The following ASPM variants were observed in gnomAD, a reference collection of about 807,000 sequenced individuals.
ASPM encodes assembly factor for spindle microtubules, also known as abnormal spindle-like microcephaly-associated protein.
Under a neutral mutation model 366.4 loss-of-function variants are expected in ASPM, and 256 were observed. The ratio of observed to expected loss-of-function variants is 0.70; its 90% CI spans 0.63 to 0.77. The LOEUF (loss-of-function observed/expected upper bound fraction) is 0.77, where lower values mean the gene tolerates loss of function less well. Ranked by LOEUF, ASPM falls within the 30% of genes least tolerant of loss-of-function variation. The probability of loss-of-function intolerance (pLI) is 0.00; values close to 1 mark genes in which losing one functional copy is unlikely to be tolerated. For missense variants in ASPM, 4,146 were observed against 4,090.4 expected, an observed-to-expected ratio of 1.01 and a Z score of -0.37; for synonymous variants, 1,414 against 1,342.9, an observed-to-expected ratio of 1.05 and a Z score of -1.16.
Position 197,102,730 on chromosome 1 carries a change from TGAA to T in ASPM, c.6518_6520del (p.Leu2173del), listed in dbSNP as rs774913362. 1 of 1,612,690 alleles carries T rather than the reference TGAA, an allele frequency of 6.2e-7. No homozygotes were observed. Among genetic ancestry groups the T allele is most frequent in the Non-Finnish European group, 8.5e-7 (1 of 1,179,230 alleles). On this transcript the variant is annotated inframe_deletion, in exon 18 of 28. Transcript: ENST00000367409. ...AACTCTTACTCCTCTAAAACTTGCCTGAAGGACTTTAACAGCTTTCAAAATTGT... is the reference window on the plus strand; with the variant it reads ...AACTCTTACTCCTCTAAAACTTGCCTGGACTTTAACAGCTTTCAAAATTGT...
chr1:197,117,081 A>G (rs904813158), intron 17 of ASPM, among the ~76,000 whole-genome samples: 1 of 152,072 alleles, frequency 6.6e-6, no homozygotes, highest in Non-Finnish European at 1.5e-5. Context: ...TTACATGTTA[A>G]AAAAAGGTTA....
At chr1:197,131,725 A>AT (rs1658260415) in intron 7 of ASPM, among the ~76,000 whole-genome samples, 2 of 151,736 alleles carry the variant, frequency 1.3e-5, no homozygotes, top group South Asian at 4.2e-4. Context: ...CGCCTGGCTG[A>AT]TTTTTTTGTA....
chr1:197,139,858 G>C lies in ASPM; in HGVS notation c.1935C>G (p.Phe645Leu), dbSNP rs757059004. The change falls in exon 4 of 28, where the codon TTC becomes TTG. Residue 645 changes from phenylalanine (F) to leucine (L), a missense_variant. Transcript: ENST00000367409. ...NLKKKTDLSI[F>L]RTPISKTNKR... ...TGTTTGTTTTAGAAATTGGAGTTCT[G>C]AATATTGATAAATCTAAAATAAATT... The C allele has an allele frequency of 6.3e-7, 1 of 1,594,298 alleles. No individual in the cohort carries two copies. The highest frequency in any genetic ancestry group is 8.6e-7 in the Non-Finnish European group (1 of 1,162,390).
At position 197,146,313 on chromosome 1, in the gene ASPM, C is replaced by T; in HGVS notation, c.125G>A (p.Ser42Asn). 6.2e-7 allele frequency: 1 copy of T among 1,613,952 alleles called. No homozygotes were observed. The highest frequency in any genetic ancestry group is 8.5e-7 in the Non-Finnish European group (1 of 1,180,020). The change falls in exon 1 of 28, where the codon AGC (serine) becomes AAC (asparagine). Residue 42 changes from serine (S) to asparagine (N), a missense_variant. By Grantham distance (46) the Ser-to-Asn change is conservative (BLOSUM62 1). Transcript: ENST00000367409. ...AAGGAAAGGAGACCTGCAGAAGTGGCTGAGAGACAGGACCGGCGGGGAAGA... is the reference window on the plus strand; with the variant it reads ...AAGGAAAGGAGACCTGCAGAAGTGGTTGAGAGACAGGACCGGCGGGGAAGA... ...EASSPPVLSL[S>N]HFCRSPFLCF...
chr1:197,099,314 A>T lies in ASPM; in HGVS notation c.8820+1117T>A, dbSNP rs532375456. ...GTTTTGTCTGGAGCATAAAGACTAA[A>T]TTTTTTCTGTCTTAAAAATCTATCC... On this transcript the variant is annotated intron_variant, in intron 18 of 27. Coordinates refer to ENST00000367409, the MANE Select transcript of ASPM (RefSeq NM_018136.5). Among the ~76,000 whole-genome samples, 105 of 150,872 alleles carry T rather than the reference A, an allele frequency of 7.0e-4. 1 individual carries two copies. In the East Asian group the frequency reaches 0.02, roughly 29 times the overall value.
rs776496221 is a variant in ASPM, at chr1:197,100,797, T to C, written c.8454A>G (p.Ala2818=). The change falls in exon 18 of 28, where the codon GCA becomes GCG. Residue 2818 remains alanine, a synonymous_variant. Coordinates refer to ENST00000367409, the MANE Select transcript of ASPM (RefSeq NM_018136.5). ...EAEYHSQSRA[A]VTIQKAFCRM... ...TACAAAAAGCTTTTTGAATTGTTAC[T>C]GCAGCCCTACTTTGAGAATGATACT... 1.9e-6 allele frequency: 3 copies of C among 1,612,646 alleles called. No homozygotes were observed. Among genetic ancestry groups the C allele is most frequent in the East Asian group, 4.5e-5 (2 of 44,818 alleles).
chr1:197,125,861 T>C (rs1159570671), intron 10 of ASPM, among the ~76,000 whole-genome samples: 2 of 152,140 alleles, frequency 1.3e-5, no homozygotes, highest in African/African-American at 4.8e-5. Flanking sequence ...GAATTACTTA[T>C]ACAACCATAG....
At chr1:197,140,019 A>G (rs1658535271) in intron 3 of ASPM, 148 bp from the exon 4 acceptor site, 5 of 614,170 alleles carry the variant, frequency 8.1e-6, no homozygotes, top group Non-Finnish European at 2.9e-6. Flanking sequence ...CACTAATGCT[A>G]TGAATTCAGT....
chr1:197,104,623 T>A lies in ASPM; in HGVS notation c.4628A>T (p.Gln1543Leu). 2 of 1,613,062 alleles carry A rather than the reference T, an allele frequency of 1.2e-6. No homozygotes were observed. The highest frequency in any genetic ancestry group is 1.7e-6 in the Non-Finnish European group (2 of 1,179,408). The change falls in exon 18 of 28, where the codon CAA becomes CTA. Residue 1543 changes from glutamine (Q) to leucine (L), a missense_variant. Physicochemically the swap from Gln to Leu is moderately radical, Grantham distance 113. Transcript: ENST00000367409. ...NYLQKRAAAI[Q>L]LQAAFRRLKA... Reference sequence around the variant, plus strand: ...CAGTCTCCTAAAAGCAGCTTGTAATTGAATGGCTGCAGCTCGTTTCTGCAA... The same window carrying A: ...CAGTCTCCTAAAAGCAGCTTGTAATAGAATGGCTGCAGCTCGTTTCTGCAA...
Position 197,103,714 on chromosome 1 carries a change from G to T in ASPM, c.5537C>A (p.Ser1846Tyr), listed in dbSNP as rs1334242199. Residue 1846 changes from serine (S) to tyrosine (Y), a missense_variant, in exon 18 of 28, where the codon TCT becomes TAT. Ser to Tyr is a moderately radical substitution (Grantham distance 144). This residue lies in a region of ASPM where 3,624 missense variants were observed against 3,591.7 expected (regional missense o/e 1.01). Transcript: ENST00000367409. ...AATCTTTATTATAGATTGAAGCACA[G>T]ATTGATATTTTACCCTTTTATTATA... ...RGYNKRVKYQ[S>Y]VLQSIIKIQR... is the part of the protein sequence containing the mutation. 6.2e-7 allele frequency: 1 copy of T among 1,612,694 alleles called. No individual in the cohort carries two copies. Among genetic ancestry groups the T allele is most frequent in the Non-Finnish European group, 8.5e-7 (1 of 1,179,348 alleles).
At chr1:197,094,939 T>C (rs1006026323) in intron 19 of ASPM, among the ~76,000 whole-genome samples, 21 of 151,716 alleles carry the variant, frequency 1.4e-4, no homozygotes, top group Admixed American at 9.2e-4. Flanking sequence ...TGTATCTTTA[T>C]ATGCTTTTTA....
In ASPM at chr1:197,103,506, T is replaced by C. The variant is rs777564130; in HGVS notation, c.5745A>G (p.Lys1915=). Residue 1915 remains lysine (K), a synonymous_variant, in exon 18 of 28, where the codon AAA becomes AAG. Coordinates refer to ENST00000367409, the MANE Select transcript of ASPM (RefSeq NM_018136.5). The part of the protein sequence containing the change: ...QSAFRMAKAQ[K]QFRLFKTAAL... ...CTGCTGTTTTAAACAATCTAAACTG[T>C]TTCTGGGCCTTGGCCATTCTAAAAG... The C allele has an allele frequency of 3.1e-6, 5 of 1,613,232 alleles. No individual in the cohort carries two copies. Among genetic ancestry groups the C allele is most frequent in the Non-Finnish European group, 4.2e-6 (5 of 1,179,496 alleles).
At chr1:197,141,656 C>T (rs972889336) in intron 3 of ASPM, among the ~76,000 whole-genome samples, 5 of 152,124 alleles carry the variant, frequency 3.3e-5, no homozygotes, top group Non-Finnish European at 5.9e-5. Context: ...GCAATTTACA[C>T]ACAAACCCTC....
intron 4 of ASPM, chr1:197,138,962 C>T: frequency 2.7e-6 from 2 of 734,290 alleles, no homozygotes; most frequent in Non-Finnish European, 2.5e-6. Flanking sequence ...TGACTCGCTG[C>T]ATAAATCTGT....
At position 197,090,404 on chromosome 1, in the gene ASPM, C is replaced by T. The variant is rs761173800; in HGVS notation, c.9637-16G>A. The T allele has an allele frequency of 6.4e-7, 1 of 1,573,270 alleles. No individual in the cohort carries two copies. The highest frequency in any genetic ancestry group is 8.7e-7 in the Non-Finnish European group (1 of 1,150,100). On this transcript the variant is annotated splice_polypyrimidine_tract_variant and intron_variant, in intron 23 of 27. Transcript: ENST00000367409. The stretch of plus-strand genomic sequence containing the variant: ...TCCATAATGCCTTAAAGAGATAAAA[C>T]AGAGTAATTTTAAGATTATAGCCAA...
chr1:197,109,745 T>C (rs1657529146), intron 17 of ASPM, among the ~76,000 whole-genome samples: 1 of 150,234 alleles, frequency 6.7e-6, no homozygotes, highest in African/African-American at 2.5e-5. Flanking sequence ...AATAAGTGAG[T>C]TTTTTTAACA....
chr1:197,128,388 G>C (rs1313521533), intron 10 of ASPM, 102 bp downstream of exon 10: 1 of 916,950 alleles, frequency 1.1e-6, no homozygotes, highest in Non-Finnish European at 1.7e-6. Flanking sequence ...TAAATTTATT[G>C]TACTACTTGA....
At chr1:197,126,044 G>A (rs965630753) in intron 10 of ASPM, among the ~76,000 whole-genome samples, 5 of 152,184 alleles carry the variant, frequency 3.3e-5, no homozygotes, top group Middle Eastern at 6.8e-3. Flanking sequence ...CAGAAATTTG[G>A]TTATACAAGA....
At chr1:197,086,712 A>G in intron 27 of ASPM, 91 bp downstream of exon 27, 2 of 1,113,590 alleles carry the variant, frequency 1.8e-6, no homozygotes, top group Non-Finnish European at 2.7e-6. Context: ...ACTGAAAAGC[A>G]CATCTTGTTT....
Sources: allele counts gnomAD v4.1 joint callset (sites outside exome capture counted in the v4.1 genomes callset), GRCh38; gene constraint gnomAD v4.1.1; regional missense constraint gnomAD v4.1.1; transcripts MANE v1.5; gene names NCBI Gene and HGNC (gene_info 2026-07-23, HGNC 2026-07-21).